CRB2: variants seen among roughly 807,000 people sequenced by gnomAD.
The protein encoded by CRB2 is protein crumbs homolog 2.
CRB2 carries 85 observed loss-of-function variants against 110.9 expected under a neutral mutation model. The observed-to-expected ratio is 0.77, with a 90% CI of 0.64 to 0.92. The LOEUF (loss-of-function observed/expected upper bound fraction) is 0.92. Among genes scored for constraint, CRB2 ranks in the 40% least tolerant of loss-of-function variants. The pLI is 0.00. For missense variants in CRB2, 1,843 were observed against 1,851.3 expected, an observed-to-expected ratio of 1.00 and a Z score of 0.08; for synonymous variants, 907 against 831.0, an observed-to-expected ratio of 1.09 and a Z score of -1.57.
chr9:123,363,182 T>C lies in CRB2; in HGVS notation c.412T>C (p.Tyr138His). The C allele has an allele frequency of 1.9e-6, 3 of 1,601,300 alleles. No individual in the cohort carries two copies. Among genetic ancestry groups the C allele is most frequent in the Non-Finnish European group, 2.6e-6 (3 of 1,172,982 alleles). ...DRYECHCPLG[Y>H]AGVTCEMEVD... Reference sequence around the variant, plus strand: ...CTACGAGTGCCATTGCCCCCTTGGCTATGCAGGTAACAGCCTGGGCCGCCC... The same window carrying C: ...CTACGAGTGCCATTGCCCCCTTGGCCATGCAGGTAACAGCCTGGGCCGCCC... Residue 138 changes from tyrosine (Y) to histidine (H), a missense_variant, in exon 2 of 13, where the codon TAT (tyrosine) becomes CAT (histidine). Physicochemically the swap from Tyr to His is moderately conservative, Grantham distance 83 (BLOSUM62 2). Coordinates refer to ENST00000373631, the MANE Select transcript of CRB2 (RefSeq NM_173689.7).
Position 123,367,233 on chromosome 9 carries a change from T to C in CRB2, c.816T>C (p.His272=), listed in dbSNP as rs199946812. The C allele has an allele frequency of 3.3e-5, 53 of 1,597,722 alleles. No individual in the cohort carries two copies. The East Asian group carries it at 1.1e-3, about 35-fold the overall frequency. Residue 272 remains histidine (H), a synonymous_variant, in exon 5 of 13, where the codon CAT becomes CAC. Coordinates refer to ENST00000373631, the MANE Select transcript of CRB2 (RefSeq NM_173689.7). ...EDECASSPCQ[H]GGRCLQRSDP... ...AGTGTGCATCGAGCCCCTGCCAGCA[T>C]GGGGGCCGATGCCTGCAGCGCTCTG...
intron 11 of CRB2, among the ~76,000 whole-genome samples, chr9:123,374,946 TGCAG>T (rs550715869): frequency 4.7e-4 from 71 of 152,326 alleles, no homozygotes; most frequent in Non-Finnish European, 8.7e-4. Context: ...ACCATAAAAG[TGCAG>T]ATTCTGGGCC....
intron 9 of CRB2, among the ~76,000 whole-genome samples, 181 bp from the exon 10 acceptor site, chr9:123,372,953 T>C (rs1457779013): frequency 1.3e-5 from 2 of 152,162 alleles, no homozygotes; most frequent in Non-Finnish European, 2.9e-5. Context: ...GGGTAGGAAA[T>C]ACATTGGGAG....
chr9:123,372,260 T>C lies in CRB2; in HGVS notation c.2520T>C (p.Pro840=). Residue 840 remains proline, a synonymous_variant, in exon 9 of 13, where the codon CCT becomes CCC. Coordinates refer to ENST00000373631, the MANE Select transcript of CRB2 (RefSeq NM_173689.7). The part of the protein sequence containing the change: ...HCTCPANFTG[P]TCAQQLWCPG... ...CCTGCCCTGCCAATTTCACGGGGCC[T>C]ACGTGTGCCCAGCAGCTGTGGTGTC... The C allele has an allele frequency of 6.2e-7, 1 of 1,614,026 alleles. No homozygotes were observed. Among genetic ancestry groups the C allele is most frequent in the South Asian group, 1.1e-5 (1 of 91,070 alleles).
At chr9:123,374,033 C>T (rs1194431631) in intron 10 of CRB2, 113 bp downstream of exon 10, 2 of 1,295,570 alleles carry the variant, frequency 1.5e-6, no homozygotes, top group East Asian at 2.5e-5. Flanking sequence ...TCCTCATGTC[C>T]TTATCTGTGA....
chr9:123,373,477 C>T lies in CRB2; in HGVS notation c.2946C>T (p.Thr982=), dbSNP rs771969552. Residue 982 remains threonine, a synonymous_variant, in exon 10 of 13, where the codon ACC becomes ACT. Coordinates refer to ENST00000373631, the MANE Select transcript of CRB2 (RefSeq NM_173689.7). ...RWLLWLDGAA[T]PVALRGLASD... Reference sequence around the variant, plus strand: ...TGCTGTGGCTGGATGGTGCCGCCACCCCGGTGGCGCTGCGCGGCCTGGCCA... The same window carrying T: ...TGCTGTGGCTGGATGGTGCCGCCACTCCGGTGGCGCTGCGCGGCCTGGCCA... 1.5e-5 allele frequency: 22 copies of T among 1,450,528 alleles called. No individual in the cohort carries two copies. Among genetic ancestry groups the T allele is most frequent in the Non-Finnish European group, 2.0e-5 (22 of 1,110,294 alleles). The allele number at this position is 1,450,528 out of a possible 1,614,324, so 89.9% of individuals were successfully genotyped here.
chr9:123,369,633 G>A (rs2041984796), intron 6 of CRB2, among the ~76,000 whole-genome samples: 1 of 152,196 alleles, frequency 6.6e-6, no homozygotes, highest in African/African-American at 2.4e-5. Flanking sequence ...TGGGAAGCAG[G>A]ATTGAGGCTT....
intron 1 of CRB2, among the ~76,000 whole-genome samples, chr9:123,360,698 G>T (rs1588203929): frequency 6.6e-6 from 1 of 152,212 alleles, no homozygotes; most frequent in African/African-American, 2.4e-5. Flanking sequence ...GAAGCTTGGA[G>T]TGAGGCCCTG....
chr9:123,374,599 A>G lies in CRB2; in HGVS notation c.3410A>G (p.Glu1137Gly), dbSNP rs754246012. Residue 1137 changes from glutamate to glycine, a missense_variant, in exon 11 of 13, where the codon GAG becomes GGG. By Grantham distance (98) the Glu-to-Gly change is moderately conservative (BLOSUM62 -2). Coordinates refer to ENST00000373631, the MANE Select transcript of CRB2 (RefSeq NM_173689.7). ...CCCAGGTTGCCTGTCCCATCCAAGG[A>G]GTGCAGCCTGAATGTCACCTGCCTC... The part of the protein sequence containing the change: ...PRCRLPVPSK[E>G]CSLNVTCLDG... 2 of 1,613,400 alleles carry G rather than the reference A, an allele frequency of 1.2e-6. No individual in the cohort carries two copies. The highest frequency in any genetic ancestry group is 2.2e-5 in the South Asian group (2 of 91,076).
At chr9:123,379,243 A>G (rs140120159), downstream of CRB2, among the ~76,000 whole-genome samples, 2 of 152,212 alleles carry the variant, frequency 1.3e-5, no homozygotes, top group African/African-American at 4.8e-5. Context: ...ATTGGTCTGC[A>G]TTCCCCCGCC....
chr9:123,365,977 C>G lies in CRB2; in HGVS notation c.479C>G (p.Ser160Trp). 1 of 1,597,286 alleles carries G rather than the reference C, an allele frequency of 6.3e-7. No homozygotes were observed. ...TCAGCGCCCTGCCTGCACGGGGGCT[C>G]GTGCCTGGACGGCGTGGGCTCCTTC... ...CASAPCLHGG[S>W]CLDGVGSFRC... The change falls in exon 3 of 13, where the codon TCG becomes TGG. Residue 160 changes from serine to tryptophan, a missense_variant. Ser to Trp is a radical substitution (Grantham distance 177, BLOSUM62 -3). Transcript: ENST00000373631.
Position 123,373,647 on chromosome 9 carries a change from A to G in CRB2, c.3116A>G (p.Glu1039Gly), listed in dbSNP as rs982095807. The G allele has an allele frequency of 1.6e-5, 22 of 1,405,102 alleles. No individual in the cohort carries two copies. Among genetic ancestry groups the G allele is most frequent in the Admixed American group, 6.5e-5 (2 of 30,918 alleles). The allele number at this position is 1,405,102 out of a possible 1,614,324, so 87.0% of individuals were successfully genotyped here. A position where few individuals can be genotyped will look rare whatever the true frequency, so the allele number is the denominator to read the frequency against. ...PRPGAAPGAREHFASWPGTPA... is the reference protein window; with the variant it reads ...PRPGAAPGARGHFASWPGTPA... ...CCCGGCGCGGCCCCTGGCGCCCGAG[A>G]GCACTTCGCGTCTTGGCCTGGGACG... is the stretch of plus-strand genomic sequence containing the variant. The change falls in exon 10 of 13, where the codon GAG becomes GGG. Residue 1039 changes from glutamate to glycine, a missense_variant. Glu to Gly is a moderately conservative substitution (Grantham distance 98). Transcript: ENST00000373631.
chr9:123,366,677 G>A (rs367972045), intron 4 of CRB2, among the ~76,000 whole-genome samples: 107 of 152,300 alleles, frequency 7.0e-4, no homozygotes, highest in African/African-American at 2.4e-3. Flanking sequence ...ACTAGGCCGG[G>A]CGCGGTGGCT....
chr9:123,365,445 C>T (rs1046799515), intron 2 of CRB2, among the ~76,000 whole-genome samples: 10 of 152,170 alleles, frequency 6.6e-5, no homozygotes, highest in African/African-American at 1.9e-4. Context: ...CCAATAACCC[C>T]GCCTAGGGCA....
chr9:123,373,535 G>A lies in CRB2; in HGVS notation c.3004G>A (p.Val1002Met), dbSNP rs766832430. ...DLGFLQGPGA[V>M]RILLAENFTG... The stretch of plus-strand genomic sequence containing the variant: ...GGGCTTCCTGCAGGGCCCGGGTGCT[G>A]TGCGCATCCTGCTGGCTGAGAACTT... The change falls in exon 10 of 13, where the codon GTG becomes ATG. Residue 1002 changes from valine (V) to methionine (M), a missense_variant. Val to Met is a conservative substitution (Grantham distance 21, BLOSUM62 1). Transcript: ENST00000373631. 1 of 1,485,990 alleles carries A rather than the reference G, an allele frequency of 6.7e-7. No individual in the cohort carries two copies. Among genetic ancestry groups the A allele is most frequent in the East Asian group, 2.8e-5 (1 of 35,140 alleles). 92.1% of individuals were successfully genotyped at this position (1,485,990 alleles called of 1,614,324 possible).
intron 5 of CRB2, 46 bp downstream of exon 5, chr9:123,367,403 G>GTA (rs762452747): frequency 6.8e-7 from 1 of 1,470,228 alleles, no homozygotes; most frequent in Non-Finnish European, 9.2e-7. Context: ...CAGATGCCCA[G>GTA]GGAGGGATCT....
At chr9:123,363,673 G>T (rs2041895905) in intron 2 of CRB2, among the ~76,000 whole-genome samples, 1 of 152,160 alleles carries the variant, frequency 6.6e-6, no homozygotes, top group Admixed American at 6.5e-5. Context: ...GTCTCCCCCA[G>T]AGTTCTAGCA....
rs753791463 is a variant in CRB2 at position 123,367,612 on chromosome 9, G to T, written c.980G>T (p.Arg327Leu). The T allele has an allele frequency of 2.4e-5, 38 of 1,567,600 alleles. No individual in the cohort carries two copies. The highest frequency in any genetic ancestry group is 5.4e-5 in the African/African-American group (4 of 73,582). ...CGVEVDECAS[R>L]PCLNGGHCQD... Reference sequence around the variant, plus strand: ...GTGGAGGTGGACGAGTGTGCCTCACGGCCATGCCTCAACGGAGGCCACTGC... The same window carrying T: ...GTGGAGGTGGACGAGTGTGCCTCACTGCCATGCCTCAACGGAGGCCACTGC... Residue 327 changes from arginine to leucine, a missense_variant, in exon 6 of 13, where the codon CGG becomes CTG. Arg to Leu is a moderately radical substitution (Grantham distance 102, BLOSUM62 -2). Coordinates refer to ENST00000373631, the MANE Select transcript of CRB2 (RefSeq NM_173689.7).
rs773580044 is a variant in CRB2 at position 123,373,850 on chromosome 9, C to T, written c.3319C>T (p.Arg1107Cys). 8 of 1,560,138 alleles carry T rather than the reference C, an allele frequency of 5.1e-6. No individual in the cohort carries two copies. Among genetic ancestry groups the T allele is most frequent in the South Asian group, 2.3e-5 (2 of 85,832 alleles). ...TCACTCCGCCCCCTGCGCCCGTGGC[C>T]GCTGTCACACGCACCCCGACGGCCG... ...PCHSAPCARG[R>C]CHTHPDGRFE... The change falls in exon 10 of 13, where the codon CGC (arginine) becomes TGC (cysteine). Residue 1107 changes from arginine (R) to cysteine (C), a missense_variant. Transcript: ENST00000373631.
Sources: allele counts gnomAD v4.1 joint callset (sites outside exome capture counted in the v4.1 genomes callset), GRCh38; gene constraint gnomAD v4.1.1; transcripts MANE v1.5; gene names NCBI Gene and HGNC (gene_info 2026-07-23, HGNC 2026-07-21).